TMEM204: variants seen among roughly 807,000 people sequenced by gnomAD.
TMEM204 encodes claudin-like protein 24.
In TMEM204, 15 loss-of-function variants were observed where a neutral mutation model predicts 19.4. The ratio of observed to expected loss-of-function variants is 0.77; its 90% confidence interval spans 0.52 to 1.19. TMEM204 has a LOEUF of 1.19. TMEM204 is among the 50% of genes most tolerant of loss of function. TMEM204 has a pLI of 0.00. For synonymous variants in TMEM204, 161 were observed against 146.0 expected (o/e 1.10, Z -0.74); for missense variants, 287 against 321.2 (o/e 0.89, Z 0.81).
rs1426257802 is a variant in TMEM204, at chr16:1,541,844, CGAAA to C, written c.281-75_281-72del. On this transcript the variant is annotated intron_variant, in intron 1 of 2. Transcript: ENST00000566264. ...CCCTTTCCGAGGCAAACAGAGACCA[CGAAA>C]GTGGCGTGACGGCTGGCGTGGCCTC... 4.8e-6 allele frequency: 7 copies of C among 1,471,988 alleles called. No homozygotes were observed. In the South Asian group the frequency reaches 9.5e-5, roughly 20 times the overall value. 91.2% of individuals were successfully genotyped at this position (1,471,988 alleles called of 1,614,324 possible).
intron 1 of TMEM204, among the ~76,000 whole-genome samples, chr16:1,539,725 C>A (rs941518302): frequency 6.6e-6 from 1 of 152,260 alleles, no homozygotes; most frequent in Non-Finnish European, 1.5e-5. Flanking sequence ...GAGCGAGGGG[C>A]AGCTGCTGCC....
chr16:1,535,032 C>A (rs985074829), intron 1 of TMEM204, among the ~76,000 whole-genome samples: 1 of 152,012 alleles, frequency 6.6e-6, no homozygotes, highest in Non-Finnish European at 1.5e-5. Flanking sequence ...TAGCGAGAGA[C>A]CCTGTCTCTG....
chr16:1,552,946 C>T (rs2032789717), intron 2 of TMEM204: 1 of 984,460 alleles, frequency 1.0e-6, no homozygotes, highest in Admixed American at 6.2e-5. Flanking sequence ...AACCACTGTG[C>T]CTTGTCTAGA....
At chr16:1,552,179 G>C (rs1596350439) in intron 2 of TMEM204, among the ~76,000 whole-genome samples, 1 of 152,158 alleles carries the variant, frequency 6.6e-6, no homozygotes, top group African/African-American at 2.4e-5. Context: ...AGCCTGGTGA[G>C]GGGGAGAAAC....
At chr16:1,537,532 T>C (rs568084507) in intron 1 of TMEM204, among the ~76,000 whole-genome samples, 64 of 152,346 alleles carry the variant, frequency 4.2e-4, no homozygotes, top group African/African-American at 1.5e-3. Context: ...CCCGTGCCCC[T>C]GCCAGGGGTG....
chr16:1,530,413 G>A (rs1241145729), upstream of TMEM204, among the ~76,000 whole-genome samples: 1 of 152,164 alleles, frequency 6.6e-6, no homozygotes, highest in South Asian at 2.1e-4. Flanking sequence ...TTACAGGTGT[G>A]AGCCACTGCG....
rs570086760 is a variant in TMEM204, at chr16:1,555,214, T to C, written c.*188T>C. On this transcript the variant is annotated 3_prime_UTR_variant, in exon 3 of 3. Transcript: ENST00000566264. ...TATGTCGGTCATATGTCTGTACGTG[T>C]CGTGGGCCAACCTCGTTCTGCCTCC... is the stretch of plus-strand genomic sequence containing the variant. 13 of 734,952 alleles carry C rather than the reference T, an allele frequency of 1.8e-5. No individual in the cohort carries two copies. The highest frequency in any genetic ancestry group is 1.6e-4 in the African/African-American group (9 of 56,236). 45.5% of individuals were successfully genotyped at this position (734,952 alleles called of 1,614,324 possible). A position where few individuals can be genotyped will look rare whatever the true frequency, so the allele number is the denominator to read the frequency against.
intron 1 of TMEM204, chr16:1,540,917 C>T (rs1212116260): frequency 1.0e-6 from 1 of 985,294 alleles, no homozygotes; most frequent in Non-Finnish European, 1.2e-6. Flanking sequence ...GAGTGTCTGT[C>T]AGCACACACA....
intron 2 of TMEM204, among the ~76,000 whole-genome samples, chr16:1,549,590 C>T (rs1307553772): frequency 1.3e-5 from 2 of 152,234 alleles, no homozygotes; most frequent in East Asian, 3.9e-4. Context: ...CGCCACCACG[C>T]CCGGCTAATT....
At position 1,555,174 on chromosome 16, in the gene TMEM204, G is replaced by A. The variant is rs2032991234; in HGVS notation, c.*148G>A. The A allele has an allele frequency of 1.0e-6, 1 of 973,066 alleles. No homozygotes were observed. Among genetic ancestry groups the A allele is most frequent in the Non-Finnish European group, 1.5e-6 (1 of 676,756 alleles). 60.3% of individuals were successfully genotyped at this position (973,066 alleles called of 1,614,324 possible). A position where few individuals can be genotyped will look rare whatever the true frequency, so the allele number is the denominator to read the frequency against. On this transcript the variant is annotated 3_prime_UTR_variant, in exon 3 of 3. Transcript: ENST00000566264. ...CCTCTGCGCCATGCGTGCGAGACAC[G>A]TGTGCGTTTACTGTTATGTCGGTCA...
chr16:1,533,127 C>A (rs947879073), upstream of TMEM204: 1 of 152,626 alleles, frequency 6.6e-6, no homozygotes, highest in African/African-American at 2.4e-5. This position sits in a 1 kb window ranked among gnomAD's most constrained non-coding sequence, Gnocchi z 4.7. Flanking sequence ...AGTACAGGTC[C>A]CTGGCCCCGA....
At position 1,540,773 on chromosome 16, in the gene TMEM204, T is replaced by G. The variant is rs548475882; in HGVS notation, c.281-1148T>G. 14 of 936,612 alleles carry G rather than the reference T, an allele frequency of 1.5e-5. No homozygotes were observed. The African/African-American group carries it at 2.3e-4, about 15-fold the overall frequency. 58.0% of individuals were successfully genotyped at this position (936,612 alleles called of 1,614,324 possible). Reference sequence around the variant, plus strand: ...TTTCAAGGCAAGTCATTTAAAAAGGTGCAACTGTTTATAACGACTTAGTTT... The same window carrying G: ...TTTCAAGGCAAGTCATTTAAAAAGGGGCAACTGTTTATAACGACTTAGTTT... On this transcript the variant is annotated intron_variant, in intron 1 of 2. Transcript: ENST00000566264.
At chr16:1,552,364 C>T (rs756607529) in intron 2 of TMEM204, among the ~76,000 whole-genome samples, 1 of 152,122 alleles carries the variant, frequency 6.6e-6, no homozygotes, top group African/African-American at 2.4e-5. Flanking sequence ...GCCTCTGTCT[C>T]GGGTGTCCTG....
chr16:1,544,663 T>C (rs574902208), intron 2 of TMEM204, among the ~76,000 whole-genome samples: 2 of 151,994 alleles, frequency 1.3e-5, no homozygotes, highest in South Asian at 4.2e-4. Flanking sequence ...TTTTTTCTTT[T>C]TTTGAGATGG....
intron 2 of TMEM204, among the ~76,000 whole-genome samples, chr16:1,544,406 C>T (rs1161439697): frequency 2.0e-5 from 3 of 151,814 alleles, no homozygotes; most frequent in East Asian, 2.0e-4. Flanking sequence ...AGGATGGTCT[C>T]GATCTCCTGA....
At chr16:1,531,161 TAAATTCCAAG>T (rs1262614892), upstream of TMEM204, 1 of 152,254 alleles carries the variant, frequency 6.6e-6, no homozygotes, top group Non-Finnish European at 1.5e-5. This position sits in a 1 kb window ranked among gnomAD's most constrained non-coding sequence, Gnocchi z 4.7. Flanking sequence ...GCATCTGACA[TAAATTCCAAG>T]AAGTAAACAC....
At chr16:1,545,763 G>C (rs896380011) in intron 2 of TMEM204, among the ~76,000 whole-genome samples, 1 of 152,224 alleles carries the variant, frequency 6.6e-6, no homozygotes, top group Admixed American at 6.5e-5. Context: ...TGAAAGGAAG[G>C]CTCCTTGTCA....
rs1375661550 is a variant in TMEM204, at chr16:1,553,098, CT to C, written c.437-1681del. On this transcript the variant is annotated intron_variant, in intron 2 of 2. Coordinates refer to ENST00000566264, the MANE Select transcript of TMEM204 (RefSeq NM_024600.6). This position sits in a 1 kb window ranked among gnomAD's most constrained non-coding sequence, Gnocchi z 4.4. ...GAGATAGATAAATGCTTAATTCATA[CT>C]TTCTGGAGGGTACAGTGATGATGAA... 5 of 985,312 alleles carry C rather than the reference CT, an allele frequency of 5.1e-6. No homozygotes were observed. The African/African-American group carries it at 8.7e-5, about 17-fold the overall frequency. 61.0% of individuals were successfully genotyped at this position (985,312 alleles called of 1,614,324 possible).
intron 1 of TMEM204, chr16:1,541,482 C>A: frequency 1.0e-6 from 1 of 985,420 alleles, no homozygotes; most frequent in Non-Finnish European, 1.2e-6. Context: ...TGGCCCCCCG[C>A]GGAGTCTCCG....
Sources: allele counts gnomAD v4.1 joint callset (sites outside exome capture counted in the v4.1 genomes callset), GRCh38; gene constraint gnomAD v4.1.1; non-coding constraint Gnocchi (gnomAD v3.1); transcripts MANE v1.5; gene names NCBI Gene and HGNC (gene_info 2026-07-23, HGNC 2026-07-21).